Variants in IARS1 observed in about 807,000 individuals in gnomAD.
The protein encoded by IARS1 is isoleucyl-tRNA synthetase 1.
Under a neutral mutation model 168.2 loss-of-function variants are expected in IARS1, and 124 were observed. That is an observed-to-expected ratio of 0.74 (90% CI 0.64 to 0.86). IARS1 has a LOEUF of 0.86. Ranked by LOEUF, IARS1 falls within the 40% of genes least tolerant of loss-of-function variation. The pLI, the probability that IARS1 is intolerant of heterozygous loss-of-function variation, is 0.00. For synonymous variants in IARS1, 532 were observed against 529.4 expected (o/e 1.00, Z -0.07); for missense variants, 1,452 against 1,515.8 (o/e 0.96, Z 0.70).
intron 20 of IARS1, among the ~76,000 whole-genome samples, chr9:92,255,327 G>A (rs924520411): frequency 3.9e-5 from 6 of 152,206 alleles, no homozygotes; most frequent in Non-Finnish European, 8.8e-5. Context: ...CCCAACAGCA[G>A]CAGGAACCGC....
Position 92,247,483 on chromosome 9 carries a change from T to G in IARS1, c.2685A>C (p.Glu895Asp), listed in dbSNP as rs770928294. 6 of 1,614,060 alleles carry G rather than the reference T, an allele frequency of 3.7e-6. No individual in the cohort carries two copies. In the African/African-American group the frequency reaches 8.0e-5, roughly 22 times the overall value. ...GCTTCCCCAGGACCATGTGATCTGGTTCTGCCCTTAGCCGAATGCCATACT... is the reference window on the plus strand; with the variant it reads ...GCTTCCCCAGGACCATGTGATCTGGGTCTGCCCTTAGCCGAATGCCATACT... ...KNKYGIRLRA[E>D]PDHMVLGKRL... The change falls in exon 26 of 34, where the codon GAA becomes GAC. Residue 895 changes from glutamate (E) to aspartate (D), a missense_variant. Coordinates refer to ENST00000443024, the MANE Select transcript of IARS1 (RefSeq NM_002161.6).
chr9:92,282,310 C>CT (rs907210491), intron 6 of IARS1, among the ~76,000 whole-genome samples: 11 of 147,252 alleles, frequency 7.5e-5, no homozygotes, highest in South Asian at 2.1e-4. Flanking sequence ...TTTTTCTTTT[C>CT]TTTTTTTTTT....
intron 1 of IARS1, among the ~76,000 whole-genome samples, chr9:92,291,829 T>C (rs1388592508): frequency 6.6e-6 from 1 of 152,182 alleles, no homozygotes; most frequent in Non-Finnish European, 1.5e-5. Context: ...AGATGCAGAC[T>C]TACCAGCCTC....
At chr9:92,267,392 C>T (rs970634720) in intron 14 of IARS1, among the ~76,000 whole-genome samples, 4 of 152,210 alleles carry the variant, frequency 2.6e-5, no homozygotes, top group African/African-American at 7.2e-5. Flanking sequence ...CCGCTCATCA[C>T]TGCAACAATG....
intron 20 of IARS1, among the ~76,000 whole-genome samples, chr9:92,254,386 A>G (rs900841225): frequency 1.3e-5 from 2 of 152,254 alleles, no homozygotes; most frequent in African/African-American, 2.4e-5. Flanking sequence ...ACCGATACTT[A>G]GAAACAAATA....
intron 1 of IARS1, among the ~76,000 whole-genome samples, chr9:92,291,299 C>G (rs1587914998): frequency 6.6e-6 from 1 of 152,102 alleles, no homozygotes; most frequent in Non-Finnish European, 1.5e-5. Context: ...AGAACCACAA[C>G]AGACCAGGGT....
chr9:92,264,049 C>T (rs1202451302), intron 16 of IARS1, among the ~76,000 whole-genome samples: 1 of 152,126 alleles, frequency 6.6e-6, no homozygotes, highest in East Asian at 1.9e-4. Flanking sequence ...ATAATTAAAA[C>T]CTGGGCTGGG....
chr9:92,235,979 ATCTTTTTTTTT>A (rs1827458789), intron 30 of IARS1, among the ~76,000 whole-genome samples: 1 of 151,578 alleles, frequency 6.6e-6, no homozygotes, highest in Admixed American at 6.6e-5. Flanking sequence ...TCTGTTTTCT[ATCTTTTTTTTT>A]TCTTTTTTGA....
intron 31 of IARS1, 65 bp downstream of exon 31, chr9:92,228,935 CA>C: frequency 2.5e-6 from 4 of 1,589,836 alleles, no homozygotes; most frequent in African/African-American, 1.3e-5. Context: ...CAACTGACAG[CA>C]AATTAAGACC....
chr9:92,211,700 A>G (rs1837790353), intron 33 of IARS1, among the ~76,000 whole-genome samples: 2 of 152,212 alleles, frequency 1.3e-5, no homozygotes, highest in African/African-American at 2.4e-5. Context: ...TGTCTACAAA[A>G]AAAGCCTAGA....
chr9:92,245,817 A>G (rs1230455549), intron 26 of IARS1, among the ~76,000 whole-genome samples: 1 of 149,738 alleles, frequency 6.7e-6, no homozygotes, highest in Non-Finnish European at 1.5e-5. Flanking sequence ...CCCAGGCTGC[A>G]GTGCAGTGGC....
intron 13 of IARS1, among the ~76,000 whole-genome samples, chr9:92,268,604 C>CTGTATAGCCAG (rs2133853135): frequency 6.6e-6 from 1 of 152,308 alleles, no homozygotes; most frequent in South Asian, 2.1e-4. Flanking sequence ...CCAGCCTCAT[C>CTGTATAGCCAG]CCATACAACT....
intron 24 of IARS1, 46 bp from the exon 25 acceptor site, chr9:92,249,987 TA>T (rs775451457): frequency 1.8e-6 from 2 of 1,101,958 alleles, no homozygotes; most frequent in African/African-American, 3.1e-5. Flanking sequence ...GCCAGTCCTC[TA>T]AAACTGCAGA....
chr9:92,222,339 T>C, intron 33 of IARS1, among the ~76,000 whole-genome samples, 181 bp downstream of exon 33: 1 of 23,754 alleles, frequency 4.2e-5, no homozygotes, highest in South Asian at 1.5e-3. Context: ...AGACTCAGTC[T>C]CAAAAAAAAA....
chr9:92,265,681 G>C lies in IARS1; in HGVS notation c.1432-128C>G, dbSNP rs186463209. 2.4e-5 allele frequency: 18 copies of C among 760,632 alleles called. No individual in the cohort carries two copies. The East Asian group carries it at 3.6e-4, about 15-fold the overall frequency. 47.1% of individuals were successfully genotyped at this position (760,632 alleles called of 1,614,324 possible). ...TTCTTTTTCCTTTTTTTTTGAGATAGGGTCTCACTACCATTGCCCAGGCTG... is the reference window on the plus strand; with the variant it reads ...TTCTTTTTCCTTTTTTTTTGAGATACGGTCTCACTACCATTGCCCAGGCTG... On this transcript the variant is annotated intron_variant, in intron 14 of 33. Transcript: ENST00000443024.
chr9:92,263,392 T>G (rs986974619), intron 16 of IARS1, among the ~76,000 whole-genome samples: 1 of 152,136 alleles, frequency 6.6e-6, no homozygotes, highest in African/African-American at 2.4e-5. Context: ...GGTTTTGAAT[T>G]TGGCACAAGA....
chr9:92,240,407 G>T, intron 30 of IARS1: 1 of 433,002 alleles, frequency 2.3e-6, no homozygotes, highest in Middle Eastern at 6.5e-4. Context: ...GGGATTATAG[G>T]TACCTGCCAC....
intron 30 of IARS1, among the ~76,000 whole-genome samples, chr9:92,230,446 G>A (rs1410862674): frequency 6.6e-6 from 1 of 152,120 alleles, no homozygotes; most frequent in African/African-American, 2.4e-5. Context: ...ATTAAAATAA[G>A]TTACTGTGCT....
At chr9:92,261,477 C>G (rs758534819) in intron 17 of IARS1, among the ~76,000 whole-genome samples, 1 of 152,024 alleles carries the variant, frequency 6.6e-6, no homozygotes, top group African/African-American at 2.4e-5. Context: ...AGGAAGGGAG[C>G]CTTTGATGTT....
Sources: gnomAD v4.1 joint callset for allele counts (sites outside exome capture counted in the v4.1 genomes callset) on GRCh38, gnomAD v4.1.1 for gene constraint, MANE v1.5 for transcripts, NCBI Gene and HGNC (gene_info 2026-07-23, HGNC 2026-07-21) for gene names.